Variants in EEF1AKMT2 observed in about 807,000 individuals in gnomAD.
The protein encoded by EEF1AKMT2 is EEF1A lysine methyltransferase 2, also known as eukaryotic translation elongation factor 1 alpha lysine methyltransferase 2.
A neutral mutation model predicts 35.8 loss-of-function variants in EEF1AKMT2; 32 were observed. That is an observed-to-expected ratio of 0.89 (90% confidence interval 0.67 to 1.20). The LOEUF (loss-of-function observed/expected upper bound fraction) is 1.20. Among genes scored for constraint, EEF1AKMT2 ranks in the 50% most tolerant of loss-of-function variants. The probability of loss-of-function intolerance (pLI) is 0.00; values close to 1 mark genes in which losing one functional copy is unlikely to be tolerated. For missense variants in EEF1AKMT2, 330 were observed against 347.5 expected, an observed-to-expected ratio of 0.95 and a Z score of 0.40; for synonymous variants, 121 against 133.7, an observed-to-expected ratio of 0.91 and a Z score of 0.65.
chr10:124,757,166 C>A (rs2629527), downstream of EEF1AKMT2, among the ~76,000 whole-genome samples: 10 of 143,280 alleles, frequency 7.0e-5, no homozygotes, highest in South Asian at 2.3e-4. Context: ...ACACTCCCTC[C>A]CACACACACA....
chr10:124,788,352 T>C (rs1185360108), intron 3 of EEF1AKMT2, among the ~76,000 whole-genome samples: 1 of 152,146 alleles, frequency 6.6e-6, no homozygotes, highest in Non-Finnish European at 1.5e-5. Flanking sequence ...CAACTGTCCA[T>C]ATGTCAGTCC....
intron 1 of EEF1AKMT2, among the ~76,000 whole-genome samples, chr10:124,791,499 C>T (rs867553868): frequency 6.6e-6 from 1 of 152,206 alleles, no homozygotes; most frequent in African/African-American, 2.4e-5. Flanking sequence ...CACCCACAAG[C>T]CCCTTGGGCT....
At chr10:124,773,823 T>C (rs568487950) in intron 4 of EEF1AKMT2, among the ~76,000 whole-genome samples, 44 of 152,190 alleles carry the variant, frequency 2.9e-4, no homozygotes, top group Admixed American at 2.6e-3. Context: ...AGATACAAAG[T>C]GAGAACATGC....
At position 124,774,710 on chromosome 10, in the gene EEF1AKMT2, T is replaced by C. The variant is rs367926355; in HGVS notation, c.364A>G (p.Ile122Val). ...ATGTTAGATAAACCTTCTTTTTCTA[T>C]AATACTTCCAGAAAGCTGAATTGCA... Reference protein sequence around the residue: ...PSAIQLSGSIIEKEGLSNIKL... With the variant: ...PSAIQLSGSIVEKEGLSNIKL... Residue 122 changes from isoleucine (I) to valine (V), a missense_variant, in exon 4 of 7, where the codon ATA becomes GTA. Ile to Val is a conservative substitution (Grantham distance 29). Transcript: ENST00000368836. 43 of 1,474,616 alleles carry C rather than the reference T, an allele frequency of 2.9e-5. No individual in the cohort carries two copies. The African/African-American group carries it at 5.5e-4, about 19-fold the overall frequency. 91.3% of individuals were successfully genotyped at this position (1,474,616 alleles called of 1,614,324 possible).
At chr10:124,767,999 CAAAT>C (rs1045109146) in intron 4 of EEF1AKMT2, among the ~76,000 whole-genome samples, 2 of 152,108 alleles carry the variant, frequency 1.3e-5, no homozygotes, top group South Asian at 2.1e-4. Context: ...AAAATAAAAA[CAAAT>C]AAATAAATAA....
intron 4 of EEF1AKMT2, among the ~76,000 whole-genome samples, chr10:124,771,515 CG>C (rs1190873475): frequency 6.6e-6 from 1 of 152,078 alleles, no homozygotes. Flanking sequence ...ACTGTAAAGT[CG>C]AAATTACTCC....
intron 3 of EEF1AKMT2, among the ~76,000 whole-genome samples, chr10:124,777,709 T>C (rs1487599128): frequency 6.6e-6 from 1 of 152,092 alleles, no homozygotes; most frequent in Admixed American, 6.6e-5. Flanking sequence ...TTTTTGTTTT[T>C]TTTTGTAGAG....
At chr10:124,771,163 G>A (rs967533133) in intron 4 of EEF1AKMT2, among the ~76,000 whole-genome samples, 2 of 151,436 alleles carry the variant, frequency 1.3e-5, no homozygotes, top group Non-Finnish European at 2.9e-5. Context: ...GCAGCGGCTA[G>A]ATCTCAGCTC....
At position 124,762,539 on chromosome 10, in the gene EEF1AKMT2, T is replaced by G. The variant is rs766350253; in HGVS notation, c.636A>C (p.Gly212=). ...EFSEGWSTVA[G]FWLTAALTSW... ...AAGTCAAGGCTGCAGTGAGCCAAAA[T>G]CCTGCCACTGTACTCCAACCTGGGC... Residue 212 remains glycine, a synonymous_variant, in exon 6 of 7, where the codon GGA becomes GGC. Transcript: ENST00000368836. 2 of 1,246,268 alleles carry G rather than the reference T, an allele frequency of 1.6e-6. No homozygotes were observed. Among genetic ancestry groups the G allele is most frequent in the Non-Finnish European group, 2.1e-6 (2 of 953,520 alleles). The allele number at this position is 1,246,268 out of a possible 1,614,324, so 77.2% of individuals were successfully genotyped here.
intron 3 of EEF1AKMT2, among the ~76,000 whole-genome samples, chr10:124,780,360 T>A (rs1033478695): frequency 6.6e-6 from 1 of 152,114 alleles, no homozygotes; most frequent in African/African-American, 2.4e-5. Context: ...AAAATTCACA[T>A]TGTGAAAAAC....
intron 2 of EEF1AKMT2, among the ~76,000 whole-genome samples, chr10:124,789,681 G>C (rs2134146915): frequency 6.6e-6 from 1 of 151,164 alleles, no homozygotes; most frequent in East Asian, 1.9e-4. Flanking sequence ...CCTGGGCCCA[G>C]GAGGTCCAGG....
intron 4 of EEF1AKMT2, among the ~76,000 whole-genome samples, chr10:124,769,896 A>T (rs1359961312): frequency 2.1e-5 from 3 of 141,750 alleles, no homozygotes; most frequent in African/African-American, 7.7e-5. Context: ...TGGTGAGCCG[A>T]GATCACACCA....
chr10:124,783,071 C>A, intron 3 of EEF1AKMT2: 3 of 280,846 alleles, frequency 1.1e-5, no homozygotes, highest in South Asian at 1.0e-4. Context: ...AACATCATGT[C>A]CACTAGGATG....
At chr10:124,770,414 T>TC (rs1366389475) in intron 4 of EEF1AKMT2, among the ~76,000 whole-genome samples, 2 of 152,010 alleles carry the variant, frequency 1.3e-5, no homozygotes, top group African/African-American at 4.8e-5. Context: ...CAAGACTCCA[T>TC]CCCCCACAAA....
intron 3 of EEF1AKMT2, among the ~76,000 whole-genome samples, chr10:124,779,705 A>ACACG (rs1950522329): frequency 7.9e-6 from 1 of 127,166 alleles, no homozygotes; most frequent in Non-Finnish European, 1.6e-5. Context: ...CCAAGACTGC[A>ACACG]CCACTGCACT....
At chr10:124,787,868 G>T (rs1017261393) in intron 3 of EEF1AKMT2, among the ~76,000 whole-genome samples, 2 of 152,118 alleles carry the variant, frequency 1.3e-5, no homozygotes, top group Non-Finnish European at 2.9e-5. Flanking sequence ...AATTCACTTA[G>T]CTGTATACTT....
At chr10:124,763,674 C>A (rs1186341199) in intron 5 of EEF1AKMT2, among the ~76,000 whole-genome samples, 2 of 152,120 alleles carry the variant, frequency 1.3e-5, no homozygotes, top group Non-Finnish European at 2.9e-5. Flanking sequence ...TTTTTAAGTA[C>A]TCTAACCAGG....
intron 3 of EEF1AKMT2, among the ~76,000 whole-genome samples, chr10:124,784,142 T>G (rs899105058): frequency 1.3e-5 from 2 of 152,082 alleles, no homozygotes; most frequent in African/African-American, 2.4e-5. Flanking sequence ...ATTTTTCAAG[T>G]TCACATGAAA....
chr10:124,773,970 TG>T (rs1441864017), intron 4 of EEF1AKMT2, among the ~76,000 whole-genome samples: 9 of 152,174 alleles, frequency 5.9e-5, no homozygotes, highest in Non-Finnish European at 1.2e-4. Context: ...AAGAGAGGCC[TG>T]GGCTAGAAAT....
Sources: allele counts gnomAD v4.1 joint callset (sites outside exome capture counted in the v4.1 genomes callset), GRCh38; gene constraint gnomAD v4.1.1; transcripts MANE v1.5; gene names NCBI Gene and HGNC (gene_info 2026-07-23, HGNC 2026-07-21).